DNAAF4: variants seen among roughly 807,000 people sequenced by gnomAD.
The protein encoded by DNAAF4 is dynein assembly factor 4, axonemal.
A neutral mutation model predicts 51.8 loss-of-function variants in DNAAF4; 43 were observed. The observed-to-expected ratio is 0.83, with a 90% CI of 0.65 to 1.07. The LOEUF (loss-of-function observed/expected upper bound fraction) is 1.07. Among genes scored for constraint, DNAAF4 ranks in the 50% least tolerant of loss-of-function variants. The pLI is 0.00. For synonymous variants in DNAAF4, 194 were observed against 165.6 expected, an observed-to-expected ratio of 1.17 and a Z score of -1.32; for missense variants, 581 against 493.0, an observed-to-expected ratio of 1.18 and a Z score of -1.69.
intron 6 of DNAAF4, among the ~76,000 whole-genome samples, chr15:55,443,544 A>G (rs1265090943): frequency 1.3e-5 from 2 of 152,208 alleles, no homozygotes; most frequent in East Asian, 3.8e-4. Context: ...ATGATTGATA[A>G]TCTTTGGGTA....
chr15:55,489,344 CTT>C lies in DNAAF4; in HGVS notation c.405+1777_405+1778del, dbSNP rs2058537391. Among the ~76,000 whole-genome samples the C allele has an allele frequency of 2.0e-5, 3 of 152,238 alleles. No individual in the cohort carries two copies. In the South Asian group the frequency reaches 6.2e-4, roughly 32 times the overall value. ...AATTAAGTATGCTAAAGGCAGGAATCTTTGACCAGCTGACCAGTTCAATTATT... is the reference window on the plus strand; with the variant it reads ...AATTAAGTATGCTAAAGGCAGGAATCTGACCAGCTGACCAGTTCAATTATT... On this transcript the variant is annotated intron_variant, in intron 4 of 9. Transcript: ENST00000321149.
intron 4 of DNAAF4, among the ~76,000 whole-genome samples, chr15:55,489,759 C>T (rs1429781997): frequency 1.4e-5 from 2 of 145,970 alleles, no homozygotes; most frequent in East Asian, 2.0e-4. Context: ...TAATAGAAAA[C>T]AATGCTAGTT....
chr15:55,478,051 G>T (rs1205289691), intron 4 of DNAAF4, among the ~76,000 whole-genome samples: 3 of 152,198 alleles, frequency 2.0e-5, no homozygotes, highest in African/African-American at 7.2e-5. Flanking sequence ...GATGAAGACT[G>T]AAGGGGCCCA....
At chr15:55,443,438 A>C (rs1450889220) in intron 6 of DNAAF4, 2 of 592,806 alleles carry the variant, frequency 3.4e-6, no homozygotes, top group East Asian at 5.6e-5. Context: ...TTCTTAATCC[A>C]GTCTATCATT....
At chr15:55,495,455 A>T (rs1488144736) in intron 3 of DNAAF4, among the ~76,000 whole-genome samples, 1 of 152,206 alleles carries the variant, frequency 6.6e-6, no homozygotes, top group Non-Finnish European at 1.5e-5. Context: ...TCCAGGCAGT[A>T]GTCTGGGTGC....
intron 4 of DNAAF4, among the ~76,000 whole-genome samples, chr15:55,478,927 C>A (rs1422984849): frequency 6.6e-6 from 1 of 152,024 alleles, no homozygotes; most frequent in Non-Finnish European, 1.5e-5. Flanking sequence ...GCAACCACCC[C>A]CTAGAGATTA....
chr15:55,441,503 T>G (rs540882390), intron 6 of DNAAF4, among the ~76,000 whole-genome samples: 1 of 152,180 alleles, frequency 6.6e-6, no homozygotes, highest in East Asian at 1.9e-4. Flanking sequence ...CATGTTGGTG[T>G]GCTGCACCCA....
At chr15:55,432,319 T>C (rs2057509448) in intron 9 of DNAAF4, among the ~76,000 whole-genome samples, 178 bp downstream of exon 9, 1 of 152,224 alleles carries the variant, frequency 6.6e-6, no homozygotes, top group Non-Finnish European at 1.5e-5. Context: ...CAATGAATTT[T>C]TTAAATATAA....
chr15:55,467,245 T>A, intron 4 of DNAAF4, 84 bp from the exon 5 acceptor site: 4 of 1,207,874 alleles, frequency 3.3e-6, no homozygotes, highest in Non-Finnish European at 4.7e-6. Context: ...AATAATTAGT[T>A]ATTCATACCT....
intron 1 of DNAAF4, among the ~76,000 whole-genome samples, chr15:55,506,299 A>C (rs1210516002): frequency 6.6e-6 from 1 of 152,226 alleles, no homozygotes; most frequent in East Asian, 1.9e-4. Context: ...CTTATTTTAT[A>C]ACCAGCAATT....
chr15:55,452,116 C>T (rs189077320), intron 5 of DNAAF4, among the ~76,000 whole-genome samples: 3 of 151,340 alleles, frequency 2.0e-5, no homozygotes, highest in East Asian at 3.9e-4. Context: ...GGGGTGGTGG[C>T]AGGCACCTGT....
chr15:55,428,029 T>C (rs2057448187), downstream of DNAAF4, among the ~76,000 whole-genome samples: 1 of 151,890 alleles, frequency 6.6e-6, no homozygotes, highest in African/African-American at 2.4e-5. Context: ...CTCCGCTCAC[T>C]GCAACCTTCA....
At chr15:55,433,935 A>ATATATTATAATATTAT (rs1567000546) in intron 8 of DNAAF4, among the ~76,000 whole-genome samples, 2 of 2,238 alleles carry the variant, frequency 8.9e-4, no homozygotes, top group Non-Finnish European at 1.2e-3. Flanking sequence ...ATATTATATA[A>ATATATTATAATATTAT]AATATATATA....
chr15:55,456,823 G>A (rs2058027342), intron 5 of DNAAF4, among the ~76,000 whole-genome samples: 1 of 152,308 alleles, frequency 6.6e-6, no homozygotes, highest in East Asian at 1.9e-4. Context: ...AGCAAAATAT[G>A]AAAGTAGAAG....
At chr15:55,419,738 T>C (rs1159283369) in intron 7 of DNAAF4, among the ~76,000 whole-genome samples, 1 of 152,194 alleles carries the variant, frequency 6.6e-6, no homozygotes, top group Non-Finnish European at 1.5e-5. Context: ...GGCTCACACC[T>C]GTAATCCCAG....
At chr15:55,472,729 T>C (rs1444615869) in intron 4 of DNAAF4, among the ~76,000 whole-genome samples, 2 of 152,200 alleles carry the variant, frequency 1.3e-5, no homozygotes, top group African/African-American at 4.8e-5. Flanking sequence ...AATACGAGAA[T>C]AATGAATAGT....
At chr15:55,453,039 C>G (rs2057960588) in intron 5 of DNAAF4, among the ~76,000 whole-genome samples, 1 of 152,104 alleles carries the variant, frequency 6.6e-6, no homozygotes, top group Non-Finnish European at 1.5e-5. Context: ...GTTGGCCAGG[C>G]TGGTCTCGAA....
intron 4 of DNAAF4, among the ~76,000 whole-genome samples, chr15:55,484,668 T>G (rs1010563355): frequency 1.3e-5 from 2 of 151,064 alleles, no homozygotes; most frequent in Non-Finnish European, 3.0e-5. Flanking sequence ...TAAAGGGGAG[T>G]TTATTAAGTA....
At chr15:55,424,823 A>G (rs150391578) in intron 7 of DNAAF4, among the ~76,000 whole-genome samples, 5,781 of 151,688 alleles carry the variant, frequency 0.038, 148 homozygotes, top group Non-Finnish European at 0.056. Flanking sequence ...AGCCTCCCAA[A>G]GTGCTGGGAA....
Sources: gnomAD v4.1 joint callset for allele counts (sites outside exome capture counted in the v4.1 genomes callset) on GRCh38, gnomAD v4.1.1 for gene constraint, MANE v1.5 for transcripts, NCBI Gene and HGNC (gene_info 2026-07-23, HGNC 2026-07-21) for gene names.